The following DNAH3 variants were observed in gnomAD, a reference collection of about 807,000 sequenced individuals.
The protein encoded by DNAH3 is dynein axonemal heavy chain 3, also known as axonemal beta dynein heavy chain 3.
A neutral mutation model predicts 432.5 loss-of-function variants in DNAH3; 332 were observed. The ratio of observed to expected loss-of-function variants is 0.77; its 90% confidence interval spans 0.70 to 0.84. DNAH3 has a LOEUF of 0.84. DNAH3 is among the 40% of genes least tolerant of loss of function. The pLI, the probability that DNAH3 is intolerant of heterozygous loss-of-function variation, is 0.00. For synonymous variants in DNAH3, 1,956 were observed against 1,900.2 expected, an observed-to-expected ratio of 1.03 and a Z score of -0.76; for missense variants, 4,861 against 5,114.0, an observed-to-expected ratio of 0.95 and a Z score of 1.51.
At chr16:20,963,934 A>G (rs564085854) in exon 53 of DNAH3, 4 of 1,614,170 alleles carry the variant, frequency 2.5e-6, no homozygotes, top group Admixed American at 3.3e-5. Context: ...GTACTGGTAC[A>G]TCGGCTCGAT....
chr16:21,053,798 G>A (rs919280221), intron 28 of DNAH3, among the ~76,000 whole-genome samples: 8 of 151,954 alleles, frequency 5.3e-5, no homozygotes, highest in African/African-American at 1.9e-4. Context: ...TGTGGGGGTG[G>A]TTTGTTTTAT....
At chr16:21,083,637 A>G (rs573207712) in intron 19 of DNAH3, among the ~76,000 whole-genome samples, 2 of 152,286 alleles carry the variant, frequency 1.3e-5, no homozygotes, top group South Asian at 4.1e-4. Flanking sequence ...AACCCCCAGC[A>G]CAGCCATGGC....
chr16:21,069,425 A>G (rs755051462), exon 23 of DNAH3: 15 of 1,614,046 alleles, frequency 9.3e-6, no homozygotes, highest in Non-Finnish European at 1.2e-5. Context: ...CGCTTGGGAC[A>G]TAAGTGATTT....
chr16:21,153,398 G>C (rs1018126814), intron 1 of DNAH3, among the ~76,000 whole-genome samples: 46 of 152,052 alleles, frequency 3.0e-4, no homozygotes, highest in African/African-American at 1.1e-3. Flanking sequence ...AGCTAATCTG[G>C]TGGGGACTTG....
intron 44 of DNAH3, among the ~76,000 whole-genome samples, chr16:20,991,014 C>T (rs887625819): frequency 6.6e-6 from 1 of 152,132 alleles, no homozygotes; most frequent in East Asian, 1.9e-4. Flanking sequence ...GAGCGAGACT[C>T]TGTCTCAAAA....
chr16:20,952,310 G>A (rs2084351800), intron 56 of DNAH3, 123 bp downstream of exon 56: 2 of 657,140 alleles, frequency 3.0e-6, no homozygotes, highest in Admixed American at 4.5e-5. Context: ...GCATTAGTAA[G>A]AGCTCGATGT....
intron 1 of DNAH3, among the ~76,000 whole-genome samples, chr16:21,156,866 G>A (rs976820391): frequency 3.3e-5 from 5 of 152,026 alleles, no homozygotes; most frequent in Non-Finnish European, 2.9e-5. Flanking sequence ...AGAGGTGGAA[G>A]GAATTTGAAG....
intron 3 of DNAH3, among the ~76,000 whole-genome samples, chr16:21,144,508 C>A (rs968270127): frequency 6.6e-6 from 1 of 152,100 alleles, no homozygotes; most frequent in Non-Finnish European, 1.5e-5. Flanking sequence ...TGATGGTGGC[C>A]TTGGTGTATG....
rs199500038 is a variant in DNAH3 at position 21,140,517 on chromosome 16, G to C, written c.696+19C>G. 5 of 1,607,380 alleles carry C rather than the reference G, an allele frequency of 3.1e-6. No individual in the cohort carries two copies. The highest frequency in any genetic ancestry group is 1.1e-5 in the South Asian group (1 of 90,644). On this transcript the variant is annotated intron_variant, in intron 5 of 61. Transcript: ENST00000261383. ...GTAACCCTCAGCAAACCGAGGGAAA[G>C]GGGGCAACAGGAACGTACCTCCAGG...
intron 42 of DNAH3, among the ~76,000 whole-genome samples, chr16:21,002,759 C>T (rs1388753094): frequency 6.6e-6 from 1 of 152,108 alleles, no homozygotes; most frequent in Non-Finnish European, 1.5e-5. Context: ...CTGCGCCTGG[C>T]CAGTACCTGG....
intron 3 of DNAH3, among the ~76,000 whole-genome samples, chr16:21,143,942 A>C (rs1238284257): frequency 6.6e-6 from 1 of 152,234 alleles, no homozygotes; most frequent in Non-Finnish European, 1.5e-5. Context: ...AGAGAAAATT[A>C]GTAAATTGGA....
At chr16:21,008,401 T>A (rs1482553108) in intron 41 of DNAH3, among the ~76,000 whole-genome samples, 1 of 152,166 alleles carries the variant, frequency 6.6e-6, no homozygotes, top group Non-Finnish European at 1.5e-5. Context: ...AGGGAAAAGC[T>A]CAGTTACCCT....
In DNAH3 at chr16:21,047,469, G is replaced by A. The variant is rs1040809494; in HGVS notation, c.4461+2100C>T. Among the ~76,000 whole-genome samples the A allele has an allele frequency of 2.5e-3, 385 of 152,132 alleles. 2 individuals are homozygous for A. Among genetic ancestry groups the A allele is most frequent in the African/African-American group, 7.7e-3 (319 of 41,512 alleles). On this transcript the variant is annotated intron_variant, in intron 31 of 61. Coordinates refer to ENST00000261383, the Ensembl canonical transcript of DNAH3. ...ACCCTTTCTTCCAGTTGATCGCACC[G>A]GCTCCTGAGGCTTCTGCATTCTTCA...
chr16:21,053,860 C>G (rs999125704), intron 28 of DNAH3, among the ~76,000 whole-genome samples: 3 of 151,984 alleles, frequency 2.0e-5, no homozygotes, highest in African/African-American at 4.8e-5. Flanking sequence ...TCCTCCTCCT[C>G]TTCTTTTTAA....
At chr16:21,037,783 G>C (rs200358079) in exon 34 of DNAH3, 1 of 1,614,108 alleles carries the variant, frequency 6.2e-7, no homozygotes, top group Non-Finnish European at 8.5e-7. Context: ...GACATCTTGC[G>C]CTAAGAACTT....
At chr16:20,962,190 TA>T (rs923173596) in intron 53 of DNAH3, among the ~76,000 whole-genome samples, 23 of 151,304 alleles carry the variant, frequency 1.5e-4, no homozygotes, top group East Asian at 7.8e-4. Context: ...AAATAATAAT[TA>T]AAAAAAATAA....
chr16:20,970,751 G>T (rs755280136), intron 51 of DNAH3, among the ~76,000 whole-genome samples: 6 of 152,006 alleles, frequency 3.9e-5, no homozygotes, highest in East Asian at 1.9e-4. Context: ...TAATTGGAAA[G>T]AATTGACCAA....
chr16:20,954,106 C>G (rs778095783), intron 55 of DNAH3, among the ~76,000 whole-genome samples: 6 of 151,118 alleles, frequency 4.0e-5, no homozygotes, highest in Non-Finnish European at 7.4e-5. Flanking sequence ...GCTTGTAGTT[C>G]CAGCTACTGG....
At chr16:20,974,971 A>G (rs2085516573) in intron 51 of DNAH3, among the ~76,000 whole-genome samples, 1 of 143,184 alleles carries the variant, frequency 7.0e-6, no homozygotes, top group South Asian at 2.2e-4. Context: ...GATGCACGCC[A>G]CCACACCTGG....
Sources: allele counts gnomAD v4.1 joint callset (sites outside exome capture counted in the v4.1 genomes callset), GRCh38; gene constraint gnomAD v4.1.1; transcripts MANE v1.5; gene names NCBI Gene and HGNC (gene_info 2026-07-23, HGNC 2026-07-21).